The following POTEE variants were observed in gnomAD, a reference collection of about 807,000 sequenced individuals.
POTEE encodes POTE ankyrin domain family member E, also known as ANKRD26-like family C member 1A.
Under a neutral mutation model 74.2 loss-of-function variants are expected in POTEE, and 21 were observed. The ratio of observed to expected loss-of-function variants is 0.28; its 90% CI spans 0.20 to 0.41. POTEE has a LOEUF of 0.41. POTEE is among the 10% of genes least tolerant of loss of function. The pLI is 1.00. For synonymous variants in POTEE, 211 were observed against 432.8 expected (o/e 0.49, Z 6.36); for missense variants, 525 against 1,158.6 (o/e 0.45, Z 7.94).
chr2:131,233,761 G>A (rs1228515846), intron 9 of POTEE, among the ~76,000 whole-genome samples: 6 of 150,952 alleles, frequency 4.0e-5, no homozygotes, highest in Non-Finnish European at 8.8e-5. Flanking sequence ...AGGCAGAAGA[G>A]CGGTATCGTC....
chr2:131,217,793 C>CCGCACGCGCACGCGCACG lies in POTEE; in HGVS notation c.-94+111_-94+112insGCACGCGCACGCGCACGC, dbSNP rs1208608916. ...CGCACGCCGCACGCGCACGCGCACGCCCGGCAGCAGCTTGCTGGCTTGTAA... is the reference window on the plus strand; with the variant it reads ...CGCACGCCGCACGCGCACGCGCACGCCGCACGCGCACGCGCACGCCGGCAGCAGCTTGCTGGCTTGTAA... On this transcript the variant is annotated intron_variant, in intron 3 of 17. Transcript: ENST00000683005. Among the ~76,000 whole-genome samples, 77 of 145,340 alleles carry CCGCACGCGCACGCGCACG rather than the reference C, an allele frequency of 5.3e-4. 2 individuals carry two copies. Among genetic ancestry groups the CCGCACGCGCACGCGCACG allele is most frequent in the African/African-American group, 2.1e-3 (76 of 35,800 alleles).
At position 131,263,915 on chromosome 2, in the gene POTEE, C is replaced by A. The variant is rs1304104965; in HGVS notation, c.2460C>A (p.Thr820=). The change falls in exon 18 of 18, where the codon ACC becomes ACA. Residue 820 remains threonine (T), a synonymous_variant. Transcript: ENST00000683005. The part of the protein sequence containing the change: ...LNPKANREKM[T]QIMFETFNTP... The stretch of plus-strand genomic sequence containing the variant: ...CCAAGGCCAACCGCGAGAAGATGAC[C>A]CAGATCATGTTTGAGACCTTCAACA... 4.3e-6 allele frequency: 7 copies of A among 1,614,062 alleles called. No homozygotes were observed. In the African/African-American group the frequency reaches 6.7e-5, roughly 15 times the overall value.
intron 2 of POTEE, among the ~76,000 whole-genome samples, chr2:131,216,554 G>A (rs1700446048): frequency 6.6e-6 from 1 of 151,662 alleles, no homozygotes; most frequent in South Asian, 2.1e-4. Flanking sequence ...ATTACCACAT[G>A]ACTCAGTAAA....
At chr2:131,255,565 G>GT (rs752323540) in intron 16 of POTEE, among the ~76,000 whole-genome samples, 844 of 13,592 alleles carry the variant, frequency 0.062, 91 homozygotes, top group African/African-American at 0.17. Context: ...CTTTCTCATA[G>GT]TTTTTTTTTT....
At chr2:131,260,305 T>C (rs1325370209) in intron 16 of POTEE, among the ~76,000 whole-genome samples, 2 of 149,268 alleles carry the variant, frequency 1.3e-5, no homozygotes. Flanking sequence ...TCAGGCTCTT[T>C]TGTGGTTCTA....
chr2:131,210,658 G>C (rs1700338203), intron 1 of POTEE, among the ~76,000 whole-genome samples: 1 of 151,326 alleles, frequency 6.6e-6, no homozygotes, highest in African/African-American at 2.4e-5. Context: ...GACCACCTGG[G>C]ACTACCGGGT....
rs1230746258 is a variant in POTEE at position 131,220,929 on chromosome 2, C to T, written c.521+2006C>T. 1.3e-5 allele frequency among the ~76,000 whole-genome samples: 2 copies of T among 148,464 alleles called. 1 individual carries two copies. The highest frequency in any genetic ancestry group is 1.4e-4 in the Admixed American group (2 of 14,740). On this transcript the variant is annotated intron_variant, in intron 4 of 17. Coordinates refer to ENST00000683005, the MANE Select transcript of POTEE (RefSeq NM_001083538.3). ...TGAGCCGAGATCGCGCCACTACATT[C>T]CAGCCTGGGTGATAGAGTGAGACTC...
chr2:131,228,767 T>C (rs1388932490), intron 8 of POTEE, among the ~76,000 whole-genome samples: 2 of 147,086 alleles, frequency 1.4e-5, no homozygotes, highest in Non-Finnish European at 2.9e-5. Flanking sequence ...ATGTCCTACA[T>C]ACTCCTTGAA....
chr2:131,235,958 A>G (rs1469652005), intron 9 of POTEE, among the ~76,000 whole-genome samples: 1 of 152,112 alleles, frequency 6.6e-6, no homozygotes. Flanking sequence ...AGGAGGCAGG[A>G]GAGACCAAGT....
intron 3 of POTEE, 122 bp from the exon 4 acceptor site, chr2:131,218,188 C>T (rs1284956898): frequency 1.1e-6 from 1 of 936,192 alleles, no homozygotes; most frequent in South Asian, 1.8e-5. Context: ...GTGGGGTCGC[C>T]CAGGGGGGGC....
chr2:131,239,874 T>C (rs535804781), intron 12 of POTEE, among the ~76,000 whole-genome samples: 426 of 150,796 alleles, frequency 2.8e-3, no homozygotes, highest in African/African-American at 9.8e-3. Flanking sequence ...ATTCTCCTCT[T>C]TGTGTCCATG....
chr2:131,231,322 G>T (rs1257756258), intron 9 of POTEE, among the ~76,000 whole-genome samples: 3 of 151,206 alleles, frequency 2.0e-5, no homozygotes, highest in Non-Finnish European at 2.9e-5. Context: ...GAGTACAGGC[G>T]GTAATATGAG....
At chr2:131,262,362 C>A (rs1460537508) in intron 17 of POTEE, among the ~76,000 whole-genome samples, 1 of 139,500 alleles carries the variant, frequency 7.2e-6, no homozygotes, top group African/African-American at 2.6e-5. Context: ...CCATGATACA[C>A]ATTTAGTAAT....
rs1254727209 is a variant in POTEE, at chr2:131,210,371, C to T, written c.-345+552C>T. ...TTGGGGTTACACTGCCTGCAACTGG[C>T]ACAGGGTGTGTTGGGTGTGCTGTCC... On this transcript the variant is annotated intron_variant, in intron 1 of 17. Coordinates refer to ENST00000683005, the MANE Select transcript of POTEE (RefSeq NM_001083538.3). Among the ~76,000 whole-genome samples, 2 of 144,734 alleles carry T rather than the reference C, an allele frequency of 1.4e-5. 1 individual carries two copies. The highest frequency in any genetic ancestry group is 5.3e-5 in the African/African-American group (2 of 38,026). 95.0% of individuals were successfully genotyped at this position (144,734 alleles called of 152,430 possible).
chr2:131,221,917 C>T (rs1573701745), intron 4 of POTEE, among the ~76,000 whole-genome samples: 1 of 152,356 alleles, frequency 6.6e-6, no homozygotes, highest in Admixed American at 6.5e-5. Flanking sequence ...AGTCATCAGA[C>T]ATAAGCCAGA....
rs1700507688 is a variant in POTEE, at chr2:131,218,542, G to T, written c.140G>T (p.Gly47Val). 1 of 1,612,526 alleles carries T rather than the reference G, an allele frequency of 6.2e-7. No homozygotes were observed. The highest frequency in any genetic ancestry group is 1.7e-5 in the Admixed American group (1 of 59,922). Reference sequence around the variant, plus strand: ...GGCAAGAGCAACGTGGGCACTTCTGGAGACCACGACGACTCTGCTATGAAG... The same window carrying T: ...GGCAAGAGCAACGTGGGCACTTCTGTAGACCACGACGACTCTGCTATGAAG... ...ESGKSNVGTS[G>V]DHDDSAMKTL... The change falls in exon 4 of 18, where the codon GGA becomes GTA. Residue 47 changes from glycine to valine, a missense_variant. Physicochemically the swap from Gly to Val is moderately radical, Grantham distance 109. Transcript: ENST00000683005.
At chr2:131,228,790 C>T (rs1700858666) in intron 8 of POTEE, among the ~76,000 whole-genome samples, 1 of 146,554 alleles carries the variant, frequency 6.8e-6, no homozygotes, top group Non-Finnish European at 1.5e-5. Flanking sequence ...TTTCAAGAAC[C>T]GAAGGAGTTC....
In POTEE at chr2:131,229,903, A is replaced by T. The variant is rs76986152; in HGVS notation, c.1056-933A>T. The stretch of plus-strand genomic sequence containing the variant: ...GGTGCAAAATATATTGTTAGTATGT[A>T]TGTCGAAAATTACAGAATGTCAGCT... On this transcript the variant is annotated intron_variant, in intron 8 of 17. Transcript: ENST00000683005. 4.9e-3 allele frequency among the ~76,000 whole-genome samples: 748 copies of T among 152,220 alleles called. 1 individual carries two copies. Among genetic ancestry groups the T allele is most frequent in the African/African-American group, 0.017 (695 of 41,496 alleles).
intron 6 of POTEE, among the ~76,000 whole-genome samples, chr2:131,224,542 A>G: frequency 6.7e-6 from 1 of 149,200 alleles, no homozygotes. Flanking sequence ...TGGAAAGCAA[A>G]AAAGAGAGCA....
Sources: gnomAD v4.1 joint callset for allele counts (sites outside exome capture counted in the v4.1 genomes callset) on GRCh38, gnomAD v4.1.1 for gene constraint, MANE v1.5 for transcripts, NCBI Gene and HGNC (gene_info 2026-07-23, HGNC 2026-07-21) for gene names.